The following UTRN variants were observed in gnomAD, a reference collection of about 807,000 sequenced individuals.
The protein encoded by UTRN is utrophin, also known as dystrophin-related protein 1.
UTRN carries 283 observed loss-of-function variants against 463.9 expected under a neutral mutation model. That is an observed-to-expected ratio of 0.61 (90% CI 0.55 to 0.67). The LOEUF is 0.67. Among genes scored for constraint, UTRN ranks in the 30% least tolerant of loss-of-function variants. The pLI, the probability that UTRN is intolerant of heterozygous loss-of-function variation, is 0.00. For synonymous variants in UTRN, 1,442 were observed against 1,431.5 expected (o/e 1.01, Z -0.17); for missense variants, 3,922 against 4,084.3 (o/e 0.96, Z 1.08).
intron 51 of UTRN, among the ~76,000 whole-genome samples, chr6:144,644,022 A>G (rs6929638): frequency 0.6 from 91,979 of 152,072 alleles, 30,246 homozygotes; most frequent in East Asian, 0.86. Flanking sequence ...TTAATATTGA[A>G]TCACGTATGA....
At chr6:144,443,263 T>G (rs541943332) in intron 13 of UTRN, among the ~76,000 whole-genome samples, 1 of 152,330 alleles carries the variant, frequency 6.6e-6, no homozygotes, top group South Asian at 2.1e-4. Context: ...TTTGTGATAT[T>G]TAAAGTCAGC....
chr6:144,319,515 T>TA (rs1336350634), intron 2 of UTRN, among the ~76,000 whole-genome samples: 24 of 152,376 alleles, frequency 1.6e-4, no homozygotes, highest in Non-Finnish European at 2.8e-4. Flanking sequence ...TGGTAGAATC[T>TA]TATATACCAT....
At position 144,482,372 on chromosome 6, in the gene UTRN, A is replaced by T; in HGVS notation, c.3671A>T (p.Lys1224Met). Reference sequence around the variant, plus strand: ...CTTCTTTGTAATAGAATTCGAGGAAAGTGCCACACGCTAGAGGTATGCTAT... The same window carrying T: ...CTTCTTTGTAATAGAATTCGAGGAATGTGCCACACGCTAGAGGTATGCTAT... ...YQLLCNRIRGKCHTLEEVWSC... is the reference protein window; with the variant it reads ...YQLLCNRIRGMCHTLEEVWSC... The change falls in exon 27 of 75, where the codon AAG (lysine) becomes ATG (methionine). Residue 1224 changes from lysine to methionine, a missense_variant. Transcript: ENST00000367545. The T allele has an allele frequency of 1.9e-6, 3 of 1,595,554 alleles. No individual in the cohort carries two copies. Among genetic ancestry groups the T allele is most frequent in the Non-Finnish European group, 2.6e-6 (3 of 1,174,960 alleles).
intron 51 of UTRN, among the ~76,000 whole-genome samples, chr6:144,613,645 G>T (rs1168400091): frequency 6.6e-6 from 1 of 151,978 alleles, no homozygotes; most frequent in Non-Finnish European, 1.5e-5. Context: ...GGACATGAAA[G>T]GACTTTCTAG....
At chr6:144,514,478 G>A (rs1176073423) in intron 36 of UTRN, among the ~76,000 whole-genome samples, 172 bp from the exon 37 acceptor site, 13 of 152,128 alleles carry the variant, frequency 8.5e-5, no homozygotes, top group Non-Finnish European at 1.5e-4. Flanking sequence ...ACTTACCTCT[G>A]TGTTCTCCAA....
At chr6:144,299,070 A>G (rs917087185) in intron 2 of UTRN, among the ~76,000 whole-genome samples, 2 of 152,216 alleles carry the variant, frequency 1.3e-5, no homozygotes, top group Non-Finnish European at 2.9e-5. Flanking sequence ...CGTGTGAGTC[A>G]TGTTATTTAA....
intron 2 of UTRN, among the ~76,000 whole-genome samples, chr6:144,349,131 T>C (rs977263075): frequency 2.7e-4 from 41 of 152,100 alleles, no homozygotes; most frequent in African/African-American, 9.2e-4. Context: ...GCCTCAGCCT[T>C]CCGAGTAGCT....
chr6:144,672,749 A>G (rs908772934), intron 51 of UTRN, among the ~76,000 whole-genome samples: 1 of 151,802 alleles, frequency 6.6e-6, no homozygotes, highest in Admixed American at 6.6e-5. Context: ...TAGTTCCTTG[A>G]GGTGTGACCT....
chr6:144,490,149 T>A lies in UTRN; in HGVS notation c.4213T>A (p.Ser1405Thr), dbSNP rs191821593. ...AAATATGCGTTCTCAGCCCCTGACC[T>A]CCCCAGAGAGTAGGACTGCCAGAGG... ...RRNMRSQPLT[S>T]PESRTARGGS... Residue 1405 changes from serine to threonine, a missense_variant, in exon 31 of 75, where the codon TCC (serine) becomes ACC (threonine). Around this residue, in one of 3 missense-constraint regions of UTRN, gnomAD observed 2,349 missense variants for 2,303.8 expected, o/e 1.02. Coordinates refer to ENST00000367545, the MANE Select transcript of UTRN (RefSeq NM_007124.3). 1 of 1,613,478 alleles carries A rather than the reference T, an allele frequency of 6.2e-7. No individual in the cohort carries two copies. The highest frequency in any genetic ancestry group is 1.7e-5 in the Admixed American group (1 of 59,932).
chr6:144,637,137 T>G (rs1777260856), intron 51 of UTRN, among the ~76,000 whole-genome samples: 3 of 152,218 alleles, frequency 2.0e-5, no homozygotes, highest in African/African-American at 7.2e-5. Context: ...CCCGGCTAGT[T>G]TTTTGTATTT....
At chr6:144,820,022 T>A (rs1586707858) in intron 65 of UTRN, among the ~76,000 whole-genome samples, 1 of 152,122 alleles carries the variant, frequency 6.6e-6, no homozygotes, top group African/African-American at 2.4e-5. Flanking sequence ...TTCATTAAGT[T>A]CTGTGCAGGT....
At chr6:144,411,691 G>T (rs1458026928) in intron 3 of UTRN, among the ~76,000 whole-genome samples, 1 of 152,138 alleles carries the variant, frequency 6.6e-6, no homozygotes. Flanking sequence ...GATTCGGAGT[G>T]TTCTCTGCAC....
chr6:144,503,226 CT>C, intron 34 of UTRN, among the ~76,000 whole-genome samples: 1 of 152,132 alleles, frequency 6.6e-6, no homozygotes, highest in East Asian at 1.9e-4. Flanking sequence ...CTGGTACTTT[CT>C]TTTGCTCTGC....
intron 51 of UTRN, among the ~76,000 whole-genome samples, chr6:144,645,585 A>T (rs756378123): frequency 1.3e-5 from 2 of 152,226 alleles, no homozygotes; most frequent in African/African-American, 2.4e-5. Context: ...TTGATTAATA[A>T]CAAGAGACAG....
intron 2 of UTRN, among the ~76,000 whole-genome samples, chr6:144,308,713 A>G (rs1805974295): frequency 6.6e-6 from 1 of 152,106 alleles, no homozygotes; most frequent in Admixed American, 6.5e-5. Context: ...TGTACATTGT[A>G]CCCATCCTCC....
At chr6:144,530,350 G>A (rs778295085) in intron 41 of UTRN, among the ~76,000 whole-genome samples, 3 of 152,144 alleles carry the variant, frequency 2.0e-5, no homozygotes, top group Non-Finnish European at 4.4e-5. Flanking sequence ...TCAGACTAGA[G>A]CCCCACACTT....
intron 25 of UTRN, among the ~76,000 whole-genome samples, chr6:144,476,537 A>G (rs548850629): frequency 5.3e-5 from 8 of 152,172 alleles, no homozygotes; most frequent in Non-Finnish European, 1.2e-4. Context: ...CATTTACTGC[A>G]ATAACGAAGG....
chr6:144,383,892 A>G (rs1397240147), intron 2 of UTRN, among the ~76,000 whole-genome samples: 1 of 152,246 alleles, frequency 6.6e-6, no homozygotes, highest in African/African-American at 2.4e-5. Context: ...GGTTGAAAAT[A>G]TGAGTATTAA....
At chr6:144,572,812 G>A (rs1476359174) in intron 50 of UTRN, among the ~76,000 whole-genome samples, 1 of 152,134 alleles carries the variant, frequency 6.6e-6, no homozygotes, top group African/African-American at 2.4e-5. Flanking sequence ...GGGCATTTGG[G>A]TTGGTTCCCA....
Sources: gnomAD v4.1 joint callset for allele counts (sites outside exome capture counted in the v4.1 genomes callset) on GRCh38, gnomAD v4.1.1 for gene constraint, gnomAD v4.1.1 regional missense constraint, MANE v1.5 for transcripts, NCBI Gene and HGNC (gene_info 2026-07-23, HGNC 2026-07-21) for gene names.